The following GLRA1 variants were observed in gnomAD, a reference collection of about 807,000 sequenced individuals.
GLRA1 encodes glycine receptor subunit alpha-1.
In GLRA1, 37 loss-of-function variants were observed where a neutral mutation model predicts 48.3. That is an observed-to-expected ratio of 0.77 (90% CI 0.59 to 1.01). The LOEUF (loss-of-function observed/expected upper bound fraction) is 1.01, where lower values mean the gene tolerates loss of function less well. Among genes scored for constraint, GLRA1 ranks in the 50% least tolerant of loss-of-function variants. The probability of loss-of-function intolerance (pLI) is 0.00; values close to 1 mark genes in which losing one functional copy is unlikely to be tolerated. For synonymous variants in GLRA1, 196 were observed against 210.7 expected (o/e 0.93, Z 0.60); for missense variants, 427 against 571.0 (o/e 0.75, Z 2.57).
chr5:151,903,763 A>C (rs1473033611), intron 1 of GLRA1, among the ~76,000 whole-genome samples: 1 of 152,236 alleles, frequency 6.6e-6, no homozygotes, highest in Non-Finnish European at 1.5e-5. Flanking sequence ...TCTAGGTGCC[A>C]TCCACAGTTA....
chr5:151,858,359 T>A (rs1753102643), intron 4 of GLRA1, among the ~76,000 whole-genome samples: 1 of 152,228 alleles, frequency 6.6e-6, no homozygotes, highest in Admixed American at 6.5e-5. Flanking sequence ...GCTGTCACAC[T>A]GGGTTAATTT....
At chr5:151,913,975 A>G (rs1237511671) in intron 1 of GLRA1, among the ~76,000 whole-genome samples, 1 of 152,242 alleles carries the variant, frequency 6.6e-6, no homozygotes, top group African/African-American at 2.4e-5. Flanking sequence ...TAAGTGATTT[A>G]TCCTAGGAAG....
Position 151,837,492 on chromosome 5 carries a change from A to T in GLRA1, c.913-8425T>A, listed in dbSNP as rs570455427. On this transcript the variant is annotated intron_variant, in intron 7 of 8. Transcript: ENST00000274576. The stretch of plus-strand genomic sequence containing the variant: ...TACCCAAAGGATTATAAATCATTCT[A>T]CTATAAAGACACATGCACACGTATG... 5.3e-5 allele frequency among the ~76,000 whole-genome samples: 8 copies of T among 152,302 alleles called. No individual in the cohort carries two copies. The South Asian group carries it at 1.4e-3, about 28-fold the overall frequency.
intron 3 of GLRA1, among the ~76,000 whole-genome samples, chr5:151,861,326 A>T (rs1427219831): frequency 6.6e-6 from 1 of 152,202 alleles, no homozygotes; most frequent in East Asian, 1.9e-4. Context: ...TGGTTGAACT[A>T]ATTTACAGTC....
intron 7 of GLRA1, among the ~76,000 whole-genome samples, chr5:151,843,219 A>AT (rs1214626402): frequency 1.5e-5 from 2 of 135,874 alleles, no homozygotes; most frequent in Non-Finnish European, 3.2e-5. Flanking sequence ...AACTCCAGCT[A>AT]TTTTTTTCAT....
intron 1 of GLRA1, among the ~76,000 whole-genome samples, chr5:151,917,145 C>T (rs760703514): frequency 6.6e-6 from 1 of 152,134 alleles, no homozygotes; most frequent in South Asian, 2.1e-4. Flanking sequence ...GTATGTCAGG[C>T]GTTCTCAGTC....
At chr5:151,919,597 C>T (rs1754825575) in intron 1 of GLRA1, among the ~76,000 whole-genome samples, 1 of 152,242 alleles carries the variant, frequency 6.6e-6, no homozygotes, top group African/African-American at 2.4e-5. Context: ...ACTTCAATAG[C>T]TGTAACCAAA....
chr5:151,861,561 T>C (rs1753205049), intron 3 of GLRA1, among the ~76,000 whole-genome samples: 1 of 152,228 alleles, frequency 6.6e-6, no homozygotes, highest in Admixed American at 6.5e-5. Flanking sequence ...TTCACCCACT[T>C]TTTGATGGGG....
intron 3 of GLRA1, among the ~76,000 whole-genome samples, chr5:151,866,493 G>T (rs2113371068): frequency 6.6e-6 from 1 of 152,300 alleles, no homozygotes; most frequent in South Asian, 2.1e-4. Context: ...GTGCAAGATT[G>T]TTGGTGGGAA....
At chr5:151,842,579 A>AT (rs1763738836) in intron 7 of GLRA1, among the ~76,000 whole-genome samples, 1 of 152,222 alleles carries the variant, frequency 6.6e-6, no homozygotes, top group Non-Finnish European at 1.5e-5. Context: ...TACTCCACAC[A>AT]TTAAGAATAG....
chr5:151,906,663 C>A (rs1368045985), intron 1 of GLRA1, among the ~76,000 whole-genome samples: 1 of 152,104 alleles, frequency 6.6e-6, no homozygotes, highest in Non-Finnish European at 1.5e-5. Flanking sequence ...AGACATCGAG[C>A]TTTGCAAATA....
intron 1 of GLRA1, among the ~76,000 whole-genome samples, chr5:151,898,237 C>G (rs557215540): frequency 5.5e-4 from 83 of 150,714 alleles, no homozygotes; most frequent in Admixed American, 1.9e-3. Context: ...ATACACTGGT[C>G]TCGGGATCCA....
intron 3 of GLRA1, among the ~76,000 whole-genome samples, chr5:151,878,343 G>A (rs1193323618): frequency 6.6e-6 from 1 of 152,198 alleles, no homozygotes; most frequent in Non-Finnish European, 1.5e-5. Flanking sequence ...TGCTGTTAAA[G>A]GCACTCGGTT....
intron 8 of GLRA1, 122 bp from the exon 9 acceptor site, chr5:151,823,085 A>G: frequency 1.1e-6 from 1 of 898,972 alleles, no homozygotes; most frequent in East Asian, 2.6e-5. Flanking sequence ...TCCAGACTGC[A>G]TCACTCTAGG....
Position 151,924,476 on chromosome 5 carries a change from C to T in GLRA1, c.56+18G>A. 6.9e-7 allele frequency: 1 copy of T among 1,453,922 alleles called. No homozygotes were observed. Among genetic ancestry groups the T allele is most frequent in the Admixed American group, 1.7e-5 (1 of 59,840 alleles). The allele number at this position is 1,453,922 out of a possible 1,614,324, so 90.1% of individuals were successfully genotyped here. On this transcript the variant is annotated intron_variant, in intron 1 of 8. Coordinates refer to ENST00000274576, the MANE Select transcript of GLRA1 (RefSeq NM_000171.4). ...CCCATTTCCATCAGAGCGATGTGGTCAGTAGAAAATTGCATACCTGAAGAA... is the reference window on the plus strand; with the variant it reads ...CCCATTTCCATCAGAGCGATGTGGTTAGTAGAAAATTGCATACCTGAAGAA...
Position 151,855,106 on chromosome 5 carries a change from T to G in GLRA1, c.631A>C (p.Thr211Pro). 2 of 1,613,360 alleles carry G rather than the reference T, an allele frequency of 1.2e-6. No individual in the cohort carries two copies. Among genetic ancestry groups the G allele is most frequent in the Non-Finnish European group, 1.7e-6 (2 of 1,179,326 alleles). Residue 211 changes from threonine to proline, a missense_variant, in exon 6 of 9, where the codon ACT becomes CCT. Transcript: ENST00000274576. ...TCCTTCAAGATAAACTGGGGCAGAG[T>G]TAGTCCATCTGCTACCTGCACGGCT... Reference protein sequence around the residue: ...QGAVQVADGLTLPQFILKEEK... With the variant: ...QGAVQVADGLPLPQFILKEEK...
chr5:151,920,252 G>A (rs140575671), intron 1 of GLRA1, among the ~76,000 whole-genome samples: 13 of 152,308 alleles, frequency 8.5e-5, no homozygotes, highest in Non-Finnish European at 1.6e-4. Flanking sequence ...AGAAGTGTCA[G>A]ATTCAGTCAT....
In GLRA1 at chr5:151,829,122, T is replaced by C. The variant is rs1763356827; in HGVS notation, c.913-55A>G. 3.8e-6 allele frequency: 6 copies of C among 1,560,384 alleles called. No homozygotes were observed. In the South Asian group the frequency reaches 4.5e-5, roughly 12 times the overall value. ...GGTGAAAGCAGGGGAATGTAAAACA[T>C]TAAGCATGGCGGAATATTTTCTGCT... is the stretch of plus-strand genomic sequence containing the variant. On this transcript the variant is annotated intron_variant, in intron 7 of 8. Transcript: ENST00000274576.
At chr5:151,892,236 T>C in intron 2 of GLRA1, 75 bp downstream of exon 2, 1 of 1,330,182 alleles carries the variant, frequency 7.5e-7, no homozygotes, top group South Asian at 1.2e-5. Context: ...ACCATCTGCG[T>C]GCATTACCAT....
Sources: gnomAD v4.1 joint callset for allele counts (sites outside exome capture counted in the v4.1 genomes callset) on GRCh38, gnomAD v4.1.1 for gene constraint, MANE v1.5 for transcripts, NCBI Gene and HGNC (gene_info 2026-07-23, HGNC 2026-07-21) for gene names.